The following GRM8 variants were observed in gnomAD, a reference collection of about 807,000 sequenced individuals.
GRM8 encodes glutamate metabotropic receptor 8.
In GRM8, 47 loss-of-function variants were observed where a neutral mutation model predicts 87.2. The observed-to-expected ratio is 0.54, with a 90% CI of 0.43 to 0.69. The LOEUF is 0.69. Ranked by LOEUF, GRM8 falls within the 30% of genes least tolerant of loss-of-function variation. The pLI is 0.00. For synonymous variants in GRM8, 396 were observed against 404.5 expected (o/e 0.98, Z 0.25); for missense variants, 1,019 against 1,139.2 (o/e 0.89, Z 1.52).
At chr7:126,968,737 G>T (rs1044334880) in intron 3 of GRM8, among the ~76,000 whole-genome samples, 2 of 152,120 alleles carry the variant, frequency 1.3e-5, no homozygotes, top group African/African-American at 4.8e-5. Flanking sequence ...ACTCTCTAAA[G>T]AAATTATTTG....
chr7:127,192,418 T>C (rs2116493384), intron 2 of GRM8, among the ~76,000 whole-genome samples: 1 of 152,330 alleles, frequency 6.6e-6, no homozygotes, highest in East Asian at 1.9e-4. Context: ...TCTAAAATCT[T>C]GTTTCTGGGA....
rs201039920 is a variant in GRM8, at chr7:126,805,536, CCACT to C, written c.1157-35475_1157-35472del. ...TCCACTGAGACATGGTCTGCACCAC[CCACT>C]GTTTCTGTCCCTAGGTTTCAATCAG... On this transcript the variant is annotated intron_variant, in intron 6 of 10. Transcript: ENST00000339582. 6.9e-3 allele frequency among the ~76,000 whole-genome samples: 1,056 copies of C among 152,238 alleles called. 6 individuals are homozygous for C. The highest frequency in any genetic ancestry group is 9.0e-3 in the Non-Finnish European group (612 of 68,008).
chr7:127,133,768 C>T (rs546101956), intron 2 of GRM8, among the ~76,000 whole-genome samples: 5 of 151,390 alleles, frequency 3.3e-5, no homozygotes, highest in Non-Finnish European at 5.9e-5. Flanking sequence ...ATTTTTTCAC[C>T]CTTCTTGGGT....
chr7:127,252,838 G>A lies in GRM8; in HGVS notation c.-353C>T. On this transcript the variant is annotated 5_prime_UTR_variant, in exon 1 of 11. Transcript: ENST00000339582. This position sits in a 1 kb window ranked among gnomAD's most constrained non-coding sequence, Gnocchi z 4.9. The stretch of plus-strand genomic sequence containing the variant: ...GGCGCGGTGAGGAAGCCCGCCGGGG[G>A]CCCGCAGCTCCATGTCAGCGCCGCC... 4.7e-6 allele frequency: 1 copy of A among 211,482 alleles called. No homozygotes were observed. Among genetic ancestry groups the A allele is most frequent in the Non-Finnish European group, 9.1e-6 (1 of 110,216 alleles). 13.1% of individuals were successfully genotyped at this position (211,482 alleles called of 1,614,324 possible). A position where few individuals can be genotyped will look rare whatever the true frequency, so the allele number is the denominator to read the frequency against.
At chr7:126,970,883 T>A (rs1208718564) in intron 3 of GRM8, among the ~76,000 whole-genome samples, 1 of 152,016 alleles carries the variant, frequency 6.6e-6, no homozygotes, top group Non-Finnish European at 1.5e-5. Context: ...TCTCAGGGCA[T>A]AGGGAGGTCC....
chr7:126,642,206 G>T lies in GRM8; in HGVS notation c.1358-32708C>A, dbSNP rs146430959. Among the ~76,000 whole-genome samples the T allele has an allele frequency of 8.6e-3, 1,307 of 152,322 alleles. 9 individuals carry two copies. The highest frequency in any genetic ancestry group is 0.012 in the Non-Finnish European group (821 of 68,040). Reference sequence around the variant, plus strand: ...AATGAGTATATATTTTACAGTGGTTGTGAGGAGCACATTGCACAACTCGGC... The same window carrying T: ...AATGAGTATATATTTTACAGTGGTTTTGAGGAGCACATTGCACAACTCGGC... On this transcript the variant is annotated intron_variant, in intron 7 of 10. Transcript: ENST00000339582.
At chr7:126,621,555 A>AT (rs770919662) in intron 7 of GRM8, among the ~76,000 whole-genome samples, 120 of 152,068 alleles carry the variant, frequency 7.9e-4, no homozygotes, top group Admixed American at 3.3e-3. Context: ...AGTAGCTGGG[A>AT]TTACAGGCAT....
chr7:127,085,175 G>T (rs939887896), intron 3 of GRM8, among the ~76,000 whole-genome samples: 23 of 152,194 alleles, frequency 1.5e-4, no homozygotes, highest in Non-Finnish European at 4.4e-5. Context: ...GTATTCCATG[G>T]TGTATATGTG....
intron 8 of GRM8, among the ~76,000 whole-genome samples, chr7:126,584,966 C>T (rs1353260051): frequency 1.3e-5 from 2 of 152,052 alleles, no homozygotes; most frequent in Non-Finnish European, 2.9e-5. Context: ...AAGCACTCAT[C>T]CTTCTTTAAA....
At chr7:127,132,584 GGA>G (rs1827746419) in intron 2 of GRM8, among the ~76,000 whole-genome samples, 2 of 152,000 alleles carry the variant, frequency 1.3e-5, no homozygotes, top group African/African-American at 4.8e-5. Flanking sequence ...ATAGTGTGTG[GGA>G]GAGATGAAAG....
intron 2 of GRM8, among the ~76,000 whole-genome samples, chr7:127,194,139 A>G (rs187941389): frequency 6.1e-4 from 93 of 152,346 alleles, no homozygotes; most frequent in Non-Finnish European, 1.1e-3. Flanking sequence ...TATGTTTTCA[A>G]TAACTAGCTT....
chr7:127,200,203 AG>A (rs1222976723), intron 2 of GRM8, among the ~76,000 whole-genome samples: 1 of 152,208 alleles, frequency 6.6e-6, no homozygotes, highest in African/African-American at 2.4e-5. Context: ...TCACCTGTTT[AG>A]CAAAGGGATG....
chr7:126,567,528 G>T (rs1056570960), intron 8 of GRM8, among the ~76,000 whole-genome samples: 1 of 152,100 alleles, frequency 6.6e-6, no homozygotes, highest in African/African-American at 2.4e-5. Context: ...TGCACGTTGT[G>T]CACATGTACC....
chr7:127,223,787 A>G (rs1441123808), intron 2 of GRM8, among the ~76,000 whole-genome samples: 3 of 152,190 alleles, frequency 2.0e-5, no homozygotes, highest in African/African-American at 7.2e-5. Flanking sequence ...TCAAAGAGCA[A>G]CTATAAATGT....
chr7:126,457,006 C>G (rs1272546025), intron 9 of GRM8, among the ~76,000 whole-genome samples: 2 of 151,410 alleles, frequency 1.3e-5, no homozygotes, highest in African/African-American at 2.4e-5. Flanking sequence ...AAAACTTTAA[C>G]ATAAATGTAT....
intron 3 of GRM8, among the ~76,000 whole-genome samples, chr7:127,054,619 C>A (rs999013233): frequency 1.3e-5 from 2 of 152,034 alleles, no homozygotes; most frequent in Admixed American, 6.5e-5. Context: ...AACATTTGTA[C>A]CCAAAAGGCT....
intron 6 of GRM8, among the ~76,000 whole-genome samples, chr7:126,840,716 G>A (rs1042029955): frequency 2.0e-5 from 3 of 151,896 alleles, no homozygotes; most frequent in African/African-American, 7.3e-5. Context: ...CTTTGTATAA[G>A]TTTCTAATAT....
chr7:126,922,983 T>C (rs1804696187), intron 3 of GRM8, among the ~76,000 whole-genome samples: 1 of 152,288 alleles, frequency 6.6e-6, no homozygotes, highest in East Asian at 1.9e-4. Flanking sequence ...CATGAGCCAA[T>C]TAAACCTCTT....
At chr7:126,589,667 A>C (rs867979202) in intron 8 of GRM8, among the ~76,000 whole-genome samples, 4 of 152,192 alleles carry the variant, frequency 2.6e-5, no homozygotes, top group African/African-American at 9.7e-5. Flanking sequence ...GAGGCCAATC[A>C]GCACAAAACT....
Sources: gnomAD v4.1 joint callset for allele counts (sites outside exome capture counted in the v4.1 genomes callset) on GRCh38, gnomAD v4.1.1 for gene constraint, Gnocchi (gnomAD v3.1) non-coding constraint, MANE v1.5 for transcripts, NCBI Gene and HGNC (gene_info 2026-07-23, HGNC 2026-07-21) for gene names.